Variants in GORASP2 observed in about 807,000 individuals in gnomAD.
GORASP2 encodes the protein Golgi reassembly-stacking protein 2.
In GORASP2, 22 loss-of-function variants were observed where a neutral mutation model predicts 45.7. That is an observed-to-expected ratio of 0.48 (90% CI 0.34 to 0.69). The LOEUF (loss-of-function observed/expected upper bound fraction) is 0.69. Ranked by LOEUF, GORASP2 falls within the 30% of genes least tolerant of loss-of-function variation. The pLI is 0.01. For synonymous variants in GORASP2, 221 were observed against 215.6 expected (o/e 1.02, Z -0.22); for missense variants, 491 against 562.7 (o/e 0.87, Z 1.29).
chr2:170,956,159 C>G (rs1704423230), intron 6 of GORASP2, among the ~76,000 whole-genome samples: 1 of 152,098 alleles, frequency 6.6e-6, no homozygotes, highest in Non-Finnish European at 1.5e-5. Flanking sequence ...AGAATCTCTT[C>G]TAGTGTGGAA....
At chr2:170,957,467 G>A (rs887666536) in intron 7 of GORASP2, among the ~76,000 whole-genome samples, 2 of 152,064 alleles carry the variant, frequency 1.3e-5, no homozygotes, top group African/African-American at 2.4e-5. Flanking sequence ...TAGTAGAGAC[G>A]GTTTCGCCAT....
intron 5 of GORASP2, among the ~76,000 whole-genome samples, chr2:170,951,959 A>G (rs1704309783): frequency 6.6e-6 from 1 of 152,232 alleles, no homozygotes; most frequent in South Asian, 2.1e-4. Flanking sequence ...AGTCTGGCCT[A>G]TATGGGGCAA....
rs1325748559 is a variant in GORASP2, at chr2:170,951,347, T to G, written c.455T>G (p.Leu152Arg). Residue 152 changes from leucine (L) to arginine (R), a missense_variant, in exon 5 of 10, where the codon CTT (leucine) becomes CGT (arginine). Physicochemically the swap from Leu to Arg is moderately radical, Grantham distance 102. This residue lies in a region of GORASP2 where 194 missense variants were observed against 270.4 expected (regional missense o/e 0.72). Coordinates refer to ENST00000234160, the MANE Select transcript of GORASP2 (RefSeq NM_015530.5). ...TTGCAGTCTGAAGATCTATTCAGCC[T>G]TATCGAAACACATGAAGCAAAACCA... ...VMNESEDLFS[L>R]IETHEAKPLK... The G allele has an allele frequency of 5.6e-6, 9 of 1,609,244 alleles. No homozygotes were observed. Among genetic ancestry groups the G allele is most frequent in the Non-Finnish European group, 7.6e-6 (9 of 1,178,382 alleles).
At chr2:170,931,675 C>T (rs1038361946) in intron 1 of GORASP2, among the ~76,000 whole-genome samples, 2 of 152,030 alleles carry the variant, frequency 1.3e-5, no homozygotes, top group African/African-American at 2.4e-5. Flanking sequence ...TTCATGAGTC[C>T]CTATAATTCA....
intron 1 of GORASP2, among the ~76,000 whole-genome samples, chr2:170,947,915 G>A (rs575464981): frequency 1.3e-5 from 2 of 152,252 alleles, no homozygotes; most frequent in Admixed American, 6.5e-5. Context: ...GAGCCCAGGA[G>A]TTCAGGACCA....
intron 1 of GORASP2, among the ~76,000 whole-genome samples, chr2:170,939,482 G>C (rs927737026): frequency 6.6e-6 from 1 of 152,194 alleles, no homozygotes; most frequent in African/African-American, 2.4e-5. Context: ...TTGACTTTCT[G>C]TGGCTTCAGT....
rs77654407 is a variant in GORASP2 at position 170,960,214 on chromosome 2, C to A, written c.824-1449C>A. 3.7e-3 allele frequency among the ~76,000 whole-genome samples: 559 copies of A among 152,254 alleles called. 3 individuals are homozygous for A. Among genetic ancestry groups the A allele is most frequent in the African/African-American group, 0.013 (527 of 41,548 alleles). ...GTAAATTTCCTAAAGGTTCTGATTT[C>A]TTCATGTTGTAAAGTGCCTCAGTGC... is the stretch of plus-strand genomic sequence containing the variant. On this transcript the variant is annotated intron_variant, in intron 7 of 9. Coordinates refer to ENST00000234160, the MANE Select transcript of GORASP2 (RefSeq NM_015530.5).
rs74357071 is a variant in GORASP2 at position 170,929,964 on chromosome 2, G to A, written c.63+561G>A. On this transcript the variant is annotated intron_variant, in intron 1 of 9. Coordinates refer to ENST00000234160, the MANE Select transcript of GORASP2 (RefSeq NM_015530.5). ...GAAGTAGGTTCGACGGACTTAAACA[G>A]ACTTGATTTTGACCAGACTTTTCCT... The A allele has an allele frequency of 8.7e-3, 2,998 of 342,704 alleles. 84 individuals carry two copies. The highest frequency in any genetic ancestry group is 0.062 in the African/African-American group (2,750 of 44,188). The allele number at this position is 342,704 out of a possible 1,614,324, so 21.2% of individuals were successfully genotyped here. A position where few individuals can be genotyped will look rare whatever the true frequency, so the allele number is the denominator to read the frequency against.
At position 170,949,601 on chromosome 2, in the gene GORASP2, G is replaced by A. The variant is rs2105321082; in HGVS notation, c.207G>A (p.Met69Ile). The A allele has an allele frequency of 6.2e-7, 1 of 1,613,898 alleles. No homozygotes were observed. Among genetic ancestry groups the A allele is most frequent in the Non-Finnish European group, 8.5e-7 (1 of 1,179,746 alleles). The part of the protein sequence containing the change: ...LKANVEKPVK[M>I]LIYSSKTLEL... ...CAAACGTTGAAAAGCCTGTAAAGAT[G>A]CTTATCTATAGCAGCAAAACATTGG... Residue 69 changes from methionine to isoleucine, a missense_variant, in exon 3 of 10, where the codon ATG becomes ATA. By Grantham distance (10) the Met-to-Ile change is conservative. This residue lies in a region of GORASP2 where 194 missense variants were observed against 270.4 expected (regional missense o/e 0.72). Transcript: ENST00000234160.
intron 1 of GORASP2, among the ~76,000 whole-genome samples, chr2:170,938,763 C>T (rs1204254639): frequency 6.6e-6 from 1 of 152,076 alleles, no homozygotes; most frequent in Non-Finnish European, 1.5e-5. Context: ...GAGGCCGAGG[C>T]GGTGATCACC....
chr2:170,952,745 A>G (rs896833722), intron 5 of GORASP2, among the ~76,000 whole-genome samples: 1 of 152,190 alleles, frequency 6.6e-6, no homozygotes, highest in Non-Finnish European at 1.5e-5. Context: ...GCACAATCAT[A>G]GTTCACTGCA....
chr2:170,929,313 G>C lies in GORASP2; in HGVS notation c.-28G>C. On this transcript the variant is annotated 5_prime_UTR_variant, in exon 1 of 10. Coordinates refer to ENST00000234160, the MANE Select transcript of GORASP2 (RefSeq NM_015530.5). ...TGGGGGCGGGAGCAGCGCGGAGCCC[G>C]GCTCGGCCACACCGATCGCCCGCCG... 1 of 1,346,558 alleles carries C rather than the reference G, an allele frequency of 7.4e-7. No individual in the cohort carries two copies. 83.4% of individuals were successfully genotyped at this position (1,346,558 alleles called of 1,614,324 possible). A position where few individuals can be genotyped will look rare whatever the true frequency, so the allele number is the denominator to read the frequency against.
chr2:170,928,746 T>G (rs373841962), upstream of GORASP2: 3 of 152,234 alleles, frequency 2.0e-5, no homozygotes, highest in African/African-American at 7.2e-5. Flanking sequence ...GACTACTGTT[T>G]TATAAAGGGA....
At chr2:170,928,485 T>A (rs925629177), upstream of GORASP2, 1 of 151,852 alleles carries the variant, frequency 6.6e-6, no homozygotes, top group Admixed American at 6.6e-5. Flanking sequence ...TCAGAGGGAG[T>A]ACACGTAAGG....
rs139012376 is a variant in GORASP2 at position 170,960,258 on chromosome 2, T to G, written c.824-1405T>G. Among the ~76,000 whole-genome samples, 62 of 152,324 alleles carry G rather than the reference T, an allele frequency of 4.1e-4. 1 individual carries two copies. The East Asian group carries it at 6.0e-3, about 15-fold the overall frequency. On this transcript the variant is annotated intron_variant, in intron 7 of 9. Transcript: ENST00000234160. ...TCAGTGCCTTGAACAATGTGTAACA[T>G]ACAGTAGGTGCCCCCCAAAAAACTT...
At chr2:170,954,851 A>G in intron 6 of GORASP2, 69 bp downstream of exon 6, 2 of 1,208,946 alleles carry the variant, frequency 1.7e-6, no homozygotes, top group African/African-American at 1.5e-5. Context: ...TTTCAGTGCT[A>G]CTATATGGCA....
In GORASP2 at chr2:170,954,731, A is replaced by G. The variant is rs200581645; in HGVS notation, c.648A>G (p.Pro216=). ...PFEEGKKISL[P]GQMAGTPITP... ...AGGAAGGAAAGAAAATTTCTCTTCC[A>G]GGACAAATGGCTGGTACACCTATTA... Residue 216 remains proline (P), a synonymous_variant, in exon 6 of 10, where the codon CCA becomes CCG. Transcript: ENST00000234160. 844 of 1,613,714 alleles carry G rather than the reference A, an allele frequency of 5.2e-4. 3 individuals carry two copies. Among genetic ancestry groups the G allele is most frequent in the Non-Finnish European group, 6.9e-4 (813 of 1,179,576 alleles).
At chr2:170,946,658 G>A (rs986115860) in intron 1 of GORASP2, among the ~76,000 whole-genome samples, 5 of 151,596 alleles carry the variant, frequency 3.3e-5, no homozygotes, top group African/African-American at 9.7e-5. Context: ...TTGGCCGGAT[G>A]CAGTGGCTCA....
chr2:170,944,273 A>G (rs547354429), intron 1 of GORASP2, among the ~76,000 whole-genome samples: 41 of 152,278 alleles, frequency 2.7e-4, no homozygotes, highest in Admixed American at 1.9e-3. Context: ...CATATTTTCC[A>G]TGCTACAAAA....
Sources: allele counts gnomAD v4.1 joint callset (sites outside exome capture counted in the v4.1 genomes callset), GRCh38; gene constraint gnomAD v4.1.1; regional missense constraint gnomAD v4.1.1; transcripts MANE v1.5; gene names NCBI Gene and HGNC (gene_info 2026-07-23, HGNC 2026-07-21).